The following RAB3IL1 variants were observed in gnomAD, a reference collection of about 807,000 sequenced individuals.
RAB3IL1 encodes the protein guanine nucleotide exchange factor for Rab-3A.
RAB3IL1 carries 37 observed loss-of-function variants against 49.2 expected under a neutral mutation model. The observed-to-expected ratio is 0.75, with a 90% CI of 0.58 to 0.99. The LOEUF (loss-of-function observed/expected upper bound fraction) is 0.99, where lower values mean the gene tolerates loss of function less well. Ranked by LOEUF, RAB3IL1 falls within the 50% of genes least tolerant of loss-of-function variation. The probability of loss-of-function intolerance (pLI) is 0.00; values close to 1 mark genes in which losing one functional copy is unlikely to be tolerated. For missense variants in RAB3IL1, 484 were observed against 513.0 expected, an observed-to-expected ratio of 0.94 and a Z score of 0.55; for synonymous variants, 193 against 213.9, an observed-to-expected ratio of 0.90 and a Z score of 0.85.
chr11:61,945,898 G>A, the RAB3IL1 span: 97 of 836,412 alleles, frequency 1.2e-4, no homozygotes, highest in African/African-American at 1.2e-3. Flanking sequence ...GGGCAGGACT[G>A]GGTTTGATGA....
At chr11:61,936,188 A>G in the RAB3IL1 span, among the ~76,000 whole-genome samples, 1 of 152,230 alleles carries the variant, frequency 6.6e-6, no homozygotes, top group Non-Finnish European at 1.5e-5. Context: ...CAACATATGC[A>G]TAATGAAAGT....
rs74995586 is a variant in RAB3IL1, at chr11:61,914,233, G to A, written c.11+3124C>T. On this transcript the variant is annotated intron_variant, in intron 1 of 9. Coordinates refer to ENST00000394836, the MANE Select transcript of RAB3IL1 (RefSeq NM_013401.4). ...CTCAGGATCACACAGCCAGTTGATG[G>A]CCCCTACAGCCCTGCCTGCCGCAAA... 8.4e-3 allele frequency among the ~76,000 whole-genome samples: 1,278 copies of A among 152,294 alleles called. 18 individuals carry two copies. The highest frequency in any genetic ancestry group is 0.03 in the African/African-American group (1,230 of 41,552).
At chr11:61,903,229 C>A (rs529950337) in intron 7 of RAB3IL1, among the ~76,000 whole-genome samples, 1 of 152,158 alleles carries the variant, frequency 6.6e-6, no homozygotes, top group East Asian at 1.9e-4. Flanking sequence ...AGTCCCCAGG[C>A]CAGGGCACAG....
chr11:61,898,401 G>A lies in RAB3IL1; in HGVS notation c.1067-41C>T. 6.4e-7 allele frequency: 1 copy of A among 1,567,826 alleles called. No homozygotes were observed. Among genetic ancestry groups the A allele is most frequent in the Non-Finnish European group, 8.8e-7 (1 of 1,140,880 alleles). Reference sequence around the variant, plus strand: ...GGGTGAACAGGTCGGGGACAGCTCAGGGTCACCTCGGGCAGATGGCCAGGT... The same window carrying A: ...GGGTGAACAGGTCGGGGACAGCTCAAGGTCACCTCGGGCAGATGGCCAGGT... On this transcript the variant is annotated intron_variant, in intron 9 of 9. Transcript: ENST00000394836. The surrounding 1 kb of genome is among the most constrained non-coding windows in gnomAD (Gnocchi z 5.1).
At chr11:61,907,720 G>A (rs1939269512) in intron 2 of RAB3IL1, 60 bp from the exon 3 acceptor site, 4 of 1,475,004 alleles carry the variant, frequency 2.7e-6, no homozygotes, top group Non-Finnish European at 3.8e-6. Context: ...GCACGGGAGG[G>A]ACCAGGCCCA....
chr11:61,927,000 T>C, the RAB3IL1 span, among the ~76,000 whole-genome samples: 2 of 152,134 alleles, frequency 1.3e-5, no homozygotes, highest in African/African-American at 4.8e-5. Flanking sequence ...ACAGGCACTA[T>C]GCCCCGCTAA....
Position 61,898,168 on chromosome 11 carries a change from C to A in RAB3IL1, c.*110G>T, listed in dbSNP as rs1938706995. Reference sequence around the variant, plus strand: ...TCCATGGCCTGTCTGTCCATCCATTCTGCCTCTGGCTCAGGGCTGGCTCCA... The same window carrying A: ...TCCATGGCCTGTCTGTCCATCCATTATGCCTCTGGCTCAGGGCTGGCTCCA... On this transcript the variant is annotated 3_prime_UTR_variant, in exon 10 of 10. Coordinates refer to ENST00000394836, the MANE Select transcript of RAB3IL1 (RefSeq NM_013401.4). This position sits in a 1 kb window ranked among gnomAD's most constrained non-coding sequence, Gnocchi z 5.1. 12 of 975,004 alleles carry A rather than the reference C, an allele frequency of 1.2e-5. No homozygotes were observed. The highest frequency in any genetic ancestry group is 1.9e-5 in the Non-Finnish European group (12 of 633,312). The allele number at this position is 975,004 out of a possible 1,614,324, so 60.4% of individuals were successfully genotyped here.
At chr11:61,928,049 C>T in the RAB3IL1 span, among the ~76,000 whole-genome samples, 1,029 of 151,724 alleles carry the variant, frequency 6.8e-3, 13 homozygotes, top group African/African-American at 0.023. Context: ...GTGATGTGAA[C>T]GGATTCACAT....
chr11:61,911,961 C>T (rs1939470759), intron 1 of RAB3IL1, among the ~76,000 whole-genome samples: 2 of 152,190 alleles, frequency 1.3e-5, no homozygotes, highest in African/African-American at 4.8e-5. Flanking sequence ...ACCTAGACTC[C>T]GTGGCCCTCG....
At chr11:61,901,474 G>T (rs561469563) in intron 8 of RAB3IL1, among the ~76,000 whole-genome samples, 1 of 152,342 alleles carries the variant, frequency 6.6e-6, no homozygotes, top group South Asian at 2.1e-4. Flanking sequence ...GAGTCTGGGC[G>T]TCAGGAGCCC....
the RAB3IL1 span, among the ~76,000 whole-genome samples, chr11:61,933,814 G>A: frequency 6.6e-6 from 1 of 152,108 alleles, no homozygotes; most frequent in Non-Finnish European, 1.5e-5. Flanking sequence ...GCATAGTGGT[G>A]TGTGCCTGCA....
the RAB3IL1 span, among the ~76,000 whole-genome samples, chr11:61,938,318 T>A: frequency 6.6e-6 from 1 of 152,100 alleles, no homozygotes; most frequent in African/African-American, 2.4e-5. Context: ...GGAGGATGGA[T>A]CCCTTCGGCC....
the RAB3IL1 span, among the ~76,000 whole-genome samples, chr11:61,942,075 G>A: frequency 1.3e-5 from 2 of 152,104 alleles, no homozygotes; most frequent in Non-Finnish European, 2.9e-5. Context: ...GCCAGACATG[G>A]TGGCGTGCTC....
chr11:61,937,150 G>T, the RAB3IL1 span, among the ~76,000 whole-genome samples: 1 of 152,026 alleles, frequency 6.6e-6, no homozygotes, highest in African/African-American at 2.4e-5. Context: ...ATAAATCTAT[G>T]TTGATGGGCA....
Position 61,898,153 on chromosome 11 carries a change from G to C in RAB3IL1, c.*125C>G. ...TGGCTCAGTGCTGCCTCCATGGCCT[G>C]TCTGTCCATCCATTCTGCCTCTGGC... On this transcript the variant is annotated 3_prime_UTR_variant, in exon 10 of 10. Transcript: ENST00000394836. This position sits in a 1 kb window ranked among gnomAD's most constrained non-coding sequence, Gnocchi z 5.1. 1.2e-6 allele frequency: 1 copy of C among 855,304 alleles called. No individual in the cohort carries two copies. The highest frequency in any genetic ancestry group is 1.7e-5 in the African/African-American group (1 of 60,126). 53.0% of individuals were successfully genotyped at this position (855,304 alleles called of 1,614,324 possible).
the RAB3IL1 span, among the ~76,000 whole-genome samples, chr11:61,932,208 A>T: frequency 6.6e-6 from 1 of 151,842 alleles, no homozygotes; most frequent in Non-Finnish European, 1.5e-5. Flanking sequence ...CCGAGATCTC[A>T]CCACTGCACT....
chr11:61,913,497 C>T (rs912653144), intron 1 of RAB3IL1, among the ~76,000 whole-genome samples: 5 of 152,146 alleles, frequency 3.3e-5, no homozygotes, highest in Non-Finnish European at 4.4e-5. Flanking sequence ...AGTCAGGCCA[C>T]GCCTCCGCCG....
At chr11:61,944,242 C>CCTTCCTTCCTTCCTTCCTTT in the RAB3IL1 span, among the ~76,000 whole-genome samples, 17,299 of 126,998 alleles carry the variant, frequency 0.14, 1,944 homozygotes, top group Middle Eastern at 0.25. Context: ...TTCCTTCCTT[C>CCTTCCTTCCTTCCTTCCTTT]CTTCCTTCCT....
Position 61,908,052 on chromosome 11 carries a change from A to C in RAB3IL1, c.264+2T>G, listed in dbSNP as rs771274851. Reference sequence around the variant, plus strand: ...ACCCCCCAGCCTACTGCAGGCACCCACCTTCTGCGCTCTGTGCAGCTCCTC... The same window carrying C: ...ACCCCCCAGCCTACTGCAGGCACCCCCCTTCTGCGCTCTGTGCAGCTCCTC... On this transcript the variant is annotated splice_donor_variant, in intron 2 of 9. Transcript: ENST00000394836. LOFTEE classifies it high-confidence loss of function. 3.1e-6 allele frequency: 5 copies of C among 1,602,890 alleles called. No homozygotes were observed. The highest frequency in any genetic ancestry group is 2.6e-6 in the Non-Finnish European group (3 of 1,173,382).
Sources: gnomAD v4.1 joint callset for allele counts (sites outside exome capture counted in the v4.1 genomes callset) on GRCh38, gnomAD v4.1.1 for gene constraint, Gnocchi (gnomAD v3.1) non-coding constraint, MANE v1.5 for transcripts, NCBI Gene and HGNC (gene_info 2026-07-23, HGNC 2026-07-21) for gene names.